SPAG16: variants seen among roughly 807,000 people sequenced by gnomAD.
SPAG16 encodes the protein sperm associated antigen 16.
Under a neutral mutation model 80.4 loss-of-function variants are expected in SPAG16, and 86 were observed. The ratio of observed to expected loss-of-function variants is 1.07; its 90% CI spans 0.90 to 1.28. SPAG16 has a LOEUF of 1.28. Among genes scored for constraint, SPAG16 ranks in the 50% most tolerant of loss-of-function variants. The probability of loss-of-function intolerance (pLI) is 0.00; values close to 1 mark genes in which losing one functional copy is unlikely to be tolerated. For synonymous variants in SPAG16, 294 were observed against 265.9 expected, an observed-to-expected ratio of 1.11 and a Z score of -1.03; for missense variants, 870 against 765.3, an observed-to-expected ratio of 1.14 and a Z score of -1.61.
intron 10 of SPAG16, among the ~76,000 whole-genome samples, chr2:213,545,345 T>C (rs576231016): frequency 6.6e-6 from 1 of 152,144 alleles, no homozygotes; most frequent in Non-Finnish European, 1.5e-5. Context: ...GTAAATGCCT[T>C]TTGTTTATTT....
intron 13 of SPAG16, among the ~76,000 whole-genome samples, chr2:214,057,633 G>A (rs533590253): frequency 1.3e-5 from 2 of 152,278 alleles, no homozygotes; most frequent in South Asian, 4.1e-4. Context: ...ACTAACAAGA[G>A]TCAGCCTGTC....
At chr2:213,838,515 T>C (rs963070528) in intron 10 of SPAG16, among the ~76,000 whole-genome samples, 26 of 152,328 alleles carry the variant, frequency 1.7e-4, no homozygotes, top group African/African-American at 6.0e-4. Context: ...TTCCCCAAAA[T>C]TGTAGCCTAT....
intron 12 of SPAG16, among the ~76,000 whole-genome samples, chr2:213,965,770 A>G (rs1257009569): frequency 6.6e-6 from 1 of 152,220 alleles, no homozygotes; most frequent in Non-Finnish European, 1.5e-5. Flanking sequence ...CCTTGGGGAC[A>G]GCTACAAAGC....
intron 3 of SPAG16, among the ~76,000 whole-genome samples, chr2:213,300,906 A>G (rs2062715389): frequency 6.6e-6 from 1 of 152,154 alleles, no homozygotes; most frequent in African/African-American, 2.4e-5. Flanking sequence ...AAATATGTTA[A>G]GAATTAATAT....
chr2:213,291,465 C>G (rs1271996856), intron 1 of SPAG16, among the ~76,000 whole-genome samples: 2 of 152,070 alleles, frequency 1.3e-5, no homozygotes, highest in Non-Finnish European at 2.9e-5. Context: ...ATGTATCTTC[C>G]TAGTTTGATT....
chr2:214,051,125 G>C (rs924753295), intron 13 of SPAG16, among the ~76,000 whole-genome samples: 4 of 152,082 alleles, frequency 2.6e-5, no homozygotes, highest in African/African-American at 9.7e-5. Flanking sequence ...AATATTTCTG[G>C]CAATTTAGTA....
chr2:213,837,782 C>G (rs887682692), intron 10 of SPAG16, among the ~76,000 whole-genome samples: 1 of 152,036 alleles, frequency 6.6e-6, no homozygotes, highest in South Asian at 2.1e-4. Flanking sequence ...CTGAGTAAAC[C>G]CAATGTAATC....
chr2:213,359,131 A>T (rs1427298759), intron 7 of SPAG16, among the ~76,000 whole-genome samples: 1 of 152,148 alleles, frequency 6.6e-6, no homozygotes, highest in Non-Finnish European at 1.5e-5. Flanking sequence ...TTGCTGCCTG[A>T]TCCTTCTTCT....
rs71060428 is a variant in SPAG16 at position 213,387,431 on chromosome 2, C to CTTTTTTTTTTT, written c.942+12331_942+12341dup. ...TTTGGGTTGGAATGAAATGCATGCT[C>CTTTTTTTTTTT]TTTTTTTTTTTTTTTTTTTTTTTTT... On this transcript the variant is annotated intron_variant, in intron 9 of 15. Transcript: ENST00000331683. 5.6e-3 allele frequency among the ~76,000 whole-genome samples: 269 copies of CTTTTTTTTTTT among 47,888 alleles called. 63 individuals carry two copies. Among genetic ancestry groups the CTTTTTTTTTTT allele is most frequent in the African/African-American group, 0.012 (108 of 8,760 alleles). 31.4% of individuals were successfully genotyped at this position (47,888 alleles called of 152,430 possible).
At chr2:213,627,713 T>A (rs2062008651) in intron 10 of SPAG16, among the ~76,000 whole-genome samples, 1 of 152,188 alleles carries the variant, frequency 6.6e-6, no homozygotes, top group Non-Finnish European at 1.5e-5. Context: ...GACAAATAAA[T>A]GAATGAACTG....
intron 12 of SPAG16, among the ~76,000 whole-genome samples, chr2:213,991,129 G>T (rs1335381896): frequency 3.9e-5 from 6 of 151,942 alleles, no homozygotes; most frequent in Admixed American, 3.9e-4. Context: ...CATTAGGTAT[G>T]TCTCCTAATG....
At chr2:213,705,792 G>C (rs896454220) in intron 10 of SPAG16, among the ~76,000 whole-genome samples, 1 of 56,748 alleles carries the variant, frequency 1.8e-5, no homozygotes, top group Admixed American at 1.5e-4. Flanking sequence ...AGGGTTTGTT[G>C]TTGTTGTTGT....
At chr2:214,059,348 A>G (rs1048703068) in intron 13 of SPAG16, among the ~76,000 whole-genome samples, 1 of 148,692 alleles carries the variant, frequency 6.7e-6, no homozygotes, top group African/African-American at 2.5e-5. Context: ...TTAGTGGATT[A>G]TTATTTGTTT....
intron 6 of SPAG16, among the ~76,000 whole-genome samples, chr2:213,345,774 G>A (rs934885965): frequency 1.4e-4 from 22 of 151,834 alleles, no homozygotes; most frequent in African/African-American, 5.3e-4. Flanking sequence ...TGCTGTTTTG[G>A]TTACTGTAGC....
At chr2:213,845,638 G>A (rs1458602367) in intron 10 of SPAG16, among the ~76,000 whole-genome samples, 1 of 152,172 alleles carries the variant, frequency 6.6e-6, no homozygotes, top group Non-Finnish European at 1.5e-5. Flanking sequence ...AAATGCATGT[G>A]TATCAGTTAC....
chr2:214,042,339 T>C (rs1037193299), intron 13 of SPAG16, among the ~76,000 whole-genome samples: 13 of 152,020 alleles, frequency 8.6e-5, no homozygotes, highest in African/African-American at 2.9e-4. Context: ...GCAAAAGTTA[T>C]TGTGGTTTTT....
intron 10 of SPAG16, among the ~76,000 whole-genome samples, chr2:213,824,927 T>C (rs1258489913): frequency 6.6e-6 from 1 of 152,124 alleles, no homozygotes; most frequent in Non-Finnish European, 1.5e-5. Context: ...CTAGTTTTCA[T>C]TGTATATGTT....
At chr2:213,541,117 T>C (rs1017821854) in intron 10 of SPAG16, among the ~76,000 whole-genome samples, 3 of 152,376 alleles carry the variant, frequency 2.0e-5, no homozygotes, top group African/African-American at 7.2e-5. Flanking sequence ...TTGACACTTC[T>C]GTCATTGTTT....
chr2:213,538,023 C>G (rs2076309801), intron 10 of SPAG16, among the ~76,000 whole-genome samples: 1 of 152,114 alleles, frequency 6.6e-6, no homozygotes, highest in African/African-American at 2.4e-5. Context: ...AGAATGTTTG[C>G]TCTACTTTTA....
Sources: gnomAD v4.1 joint callset for allele counts (sites outside exome capture counted in the v4.1 genomes callset) on GRCh38, gnomAD v4.1.1 for gene constraint, MANE v1.5 for transcripts, NCBI Gene and HGNC (gene_info 2026-07-23, HGNC 2026-07-21) for gene names.